MREG: variants seen among roughly 807,000 people sequenced by gnomAD.
MREG encodes melanoregulin, also known as dilute suppressor protein homolog.
A neutral mutation model predicts 28.5 loss-of-function variants in MREG; 31 were observed. That is an observed-to-expected ratio of 1.09 (90% CI 0.82 to 1.47). MREG has a LOEUF of 1.47. MREG is among the 40% of genes most tolerant of loss of function. MREG has a pLI of 0.00. For synonymous variants in MREG, 106 were observed against 95.2 expected (o/e 1.11, Z -0.66); for missense variants, 256 against 257.4 (o/e 0.99, Z 0.04).
At chr2:215,955,783 T>A (rs575173807) in intron 2 of MREG, among the ~76,000 whole-genome samples, 279 of 152,312 alleles carry the variant, frequency 1.8e-3, no homozygotes, top group African/African-American at 6.2e-3. Context: ...GAAAGACATA[T>A]AATACACGGT....
Position 216,013,213 on chromosome 2 carries a change from G to C in MREG, c.95+20C>G, listed in dbSNP as rs1461653033. 2 of 1,546,934 alleles carry C rather than the reference G, an allele frequency of 1.3e-6. No individual in the cohort carries two copies. Among genetic ancestry groups the C allele is most frequent in the Non-Finnish European group, 1.7e-6 (2 of 1,145,596 alleles). Reference sequence around the variant, plus strand: ...TACGGCCCAGGTAAGCCCAGATCCCGGCCCGGGCGGCGCACCCACCTGACG... The same window carrying C: ...TACGGCCCAGGTAAGCCCAGATCCCCGCCCGGGCGGCGCACCCACCTGACG... On this transcript the variant is annotated intron_variant, in intron 1 of 4. Coordinates refer to ENST00000263268, the MANE Select transcript of MREG (RefSeq NM_018000.3).
chr2:215,993,580 C>T lies in MREG; in HGVS notation c.255+2726G>A, dbSNP rs552618455. Among the ~76,000 whole-genome samples the T allele has an allele frequency of 1.7e-4, 26 of 152,014 alleles. No individual in the cohort carries two copies. In the South Asian group the frequency reaches 5.0e-3, roughly 29 times the overall value. ...GCCAAAATTGACAAATGGGATTAAA[C>T]TAAAGAGCTTCTGCACAGCAAAAGA... is the stretch of plus-strand genomic sequence containing the variant. On this transcript the variant is annotated intron_variant, in intron 2 of 4. Coordinates refer to ENST00000263268, the MANE Select transcript of MREG (RefSeq NM_018000.3).
At chr2:215,967,970 T>G (rs1692990984) in intron 2 of MREG, among the ~76,000 whole-genome samples, 1 of 152,234 alleles carries the variant, frequency 6.6e-6, no homozygotes, top group African/African-American at 2.4e-5. Flanking sequence ...AGGTCTGGCA[T>G]GAATGAGGTC....
intron 1 of MREG, among the ~76,000 whole-genome samples, chr2:216,008,238 G>C (rs1272549370): frequency 2.6e-5 from 4 of 152,106 alleles, no homozygotes; most frequent in Non-Finnish European, 4.4e-5. Context: ...CTGCCCTCAT[G>C]CTCCTGATCC....
intron 2 of MREG, among the ~76,000 whole-genome samples, chr2:215,947,689 T>C (rs939526574): frequency 6.6e-6 from 1 of 152,222 alleles, no homozygotes; most frequent in African/African-American, 2.4e-5. Flanking sequence ...AAAGTAGACC[T>C]GAAAATCCCA....
intron 2 of MREG, among the ~76,000 whole-genome samples, chr2:215,988,457 A>C (rs1693636461): frequency 6.6e-6 from 1 of 152,182 alleles, no homozygotes; most frequent in South Asian, 2.1e-4. Flanking sequence ...TCAAGCATAA[A>C]ACGAAGTGGC....
At chr2:216,032,142 C>T (rs933216849) in intron 1 of MREG, among the ~76,000 whole-genome samples, 3 of 152,130 alleles carry the variant, frequency 2.0e-5, no homozygotes, top group African/African-American at 4.8e-5. Context: ...GACTCTTTTT[C>T]TTCAAATCCT....
intron 2 of MREG, among the ~76,000 whole-genome samples, chr2:215,951,146 T>C (rs1692473068): frequency 6.6e-6 from 1 of 152,164 alleles, no homozygotes; most frequent in Admixed American, 6.5e-5. Flanking sequence ...GTGAGTCAAT[T>C]AAACCTCTTT....
chr2:215,982,075 CTT>C (rs1693440940), intron 2 of MREG, among the ~76,000 whole-genome samples: 1 of 152,188 alleles, frequency 6.6e-6, no homozygotes. Flanking sequence ...AATCCCAACA[CTT>C]TGGGAGGCTG....
At chr2:215,991,546 C>A in intron 2 of MREG, among the ~76,000 whole-genome samples, 1 of 148,540 alleles carries the variant, frequency 6.7e-6, no homozygotes. Flanking sequence ...AAGATCAGAG[C>A]AGAATTGAAG....
At chr2:216,031,655 G>GAAAGA (rs1694704738) in intron 1 of MREG, among the ~76,000 whole-genome samples, 1 of 66,018 alleles carries the variant, frequency 1.5e-5, no homozygotes, top group East Asian at 4.6e-4. Flanking sequence ...AGAAAAGAAA[G>GAAAGA]AAAGAAAGAA....
intron 2 of MREG, among the ~76,000 whole-genome samples, chr2:215,971,192 A>G (rs577951391): frequency 6.6e-6 from 1 of 152,266 alleles, no homozygotes; most frequent in East Asian, 1.9e-4. Flanking sequence ...TAATGCATGC[A>G]GGGCTTAAAA....
At chr2:215,998,418 A>G (rs2106019505) in intron 1 of MREG, among the ~76,000 whole-genome samples, 1 of 152,302 alleles carries the variant, frequency 6.6e-6, no homozygotes, top group South Asian at 2.1e-4. Context: ...AACCAAGGCT[A>G]GCAGGAGACC....
At chr2:215,993,396 C>T (rs1055933689) in intron 2 of MREG, among the ~76,000 whole-genome samples, 1 of 152,182 alleles carries the variant, frequency 6.6e-6, no homozygotes, top group Non-Finnish European at 1.5e-5. Context: ...GGACCCCTTC[C>T]TTATACCTTA....
intron 2 of MREG, among the ~76,000 whole-genome samples, chr2:215,949,035 TCTA>T (rs67462853): frequency 0.019 from 2,472 of 131,012 alleles, 35 homozygotes; most frequent in Middle Eastern, 0.027. Context: ...AAACCCTGTC[TCTA>T]CTACTACTAC....
chr2:215,977,456 T>C (rs1046548654), intron 2 of MREG, among the ~76,000 whole-genome samples: 3 of 152,222 alleles, frequency 2.0e-5, no homozygotes, highest in East Asian at 1.9e-4. Context: ...CCACTGTCGA[T>C]ATTAGACAGA....
chr2:216,004,650 G>C (rs2106026388), intron 1 of MREG, among the ~76,000 whole-genome samples: 1 of 152,242 alleles, frequency 6.6e-6, no homozygotes, highest in East Asian at 1.9e-4. Context: ...CAAGTTCACA[G>C]GGCTCTAAAC....
chr2:216,007,940 A>T (rs1481297733), intron 1 of MREG, among the ~76,000 whole-genome samples: 1 of 151,884 alleles, frequency 6.6e-6, no homozygotes, highest in Non-Finnish European at 1.5e-5. Flanking sequence ...AACACATAAA[A>T]AAAGTTATGC....
intron 2 of MREG, among the ~76,000 whole-genome samples, chr2:215,948,981 T>C (rs1692391732): frequency 6.6e-6 from 1 of 150,378 alleles, no homozygotes; most frequent in Non-Finnish European, 1.5e-5. Flanking sequence ...GGTGAGCAGA[T>C]CACTTGAGGT....
Sources: gnomAD v4.1 joint callset for allele counts (sites outside exome capture counted in the v4.1 genomes callset) on GRCh38, gnomAD v4.1.1 for gene constraint, MANE v1.5 for transcripts, NCBI Gene and HGNC (gene_info 2026-07-23, HGNC 2026-07-21) for gene names.